KSR2: variants seen among roughly 807,000 people sequenced by gnomAD.
KSR2 encodes kinase suppressor of ras 2.
Under a neutral mutation model 107.8 loss-of-function variants are expected in KSR2, and 25 were observed. That is an observed-to-expected ratio of 0.23 (90% CI 0.17 to 0.32). KSR2 has a LOEUF of 0.32. Ranked by LOEUF, KSR2 falls within the 10% of genes least tolerant of loss-of-function variation. The probability of loss-of-function intolerance (pLI) is 1.00; values close to 1 mark genes in which losing one functional copy is unlikely to be tolerated. For synonymous variants in KSR2, 480 were observed against 507.0 expected (o/e 0.95, Z 0.71); for missense variants, 887 against 1,268.9 (o/e 0.70, Z 4.57).
chr12:117,724,493 T>G (rs2136699199), intron 4 of KSR2, among the ~76,000 whole-genome samples: 1 of 152,282 alleles, frequency 6.6e-6, no homozygotes, highest in East Asian at 1.9e-4. Context: ...CATTTTGTTC[T>G]GAAGAGTCAT....
chr12:117,712,307 C>T (rs1176411092), intron 4 of KSR2, among the ~76,000 whole-genome samples: 1 of 152,102 alleles, frequency 6.6e-6, no homozygotes, highest in Non-Finnish European at 1.5e-5. Context: ...GAAAATCTTC[C>T]CAAGAAGGGA....
At chr12:117,549,262 A>C (rs976647394) in intron 9 of KSR2, among the ~76,000 whole-genome samples, 1 of 152,212 alleles carries the variant, frequency 6.6e-6, no homozygotes, top group Admixed American at 6.5e-5. Flanking sequence ...AGAAGCTCCC[A>C]CTTGGCCCAG....
chr12:117,656,606 C>T (rs555540918), intron 5 of KSR2, among the ~76,000 whole-genome samples: 1 of 152,298 alleles, frequency 6.6e-6, no homozygotes, highest in South Asian at 2.1e-4. Flanking sequence ...AAGAGTGAAA[C>T]TGAATCTAAA....
intron 9 of KSR2, among the ~76,000 whole-genome samples, chr12:117,554,179 C>T (rs570599521): frequency 3.9e-5 from 6 of 152,182 alleles, no homozygotes; most frequent in South Asian, 4.2e-4. Flanking sequence ...GGCATACCCC[C>T]GGGATAGATT....
intron 3 of KSR2, among the ~76,000 whole-genome samples, chr12:117,808,350 C>A (rs1180376758): frequency 2.0e-5 from 3 of 152,124 alleles, no homozygotes; most frequent in Non-Finnish European, 4.4e-5. Flanking sequence ...ACAGTATCCA[C>A]CCCCGCCTCC....
chr12:117,866,039 T>TTTATTTTA (rs1491376651), intron 1 of KSR2, among the ~76,000 whole-genome samples: 5 of 78,726 alleles, frequency 6.4e-5, no homozygotes, highest in African/African-American at 5.5e-4. Flanking sequence ...AATCTCTCTC[T>TTTATTTTA]TTTTTTTTTT....
rs1418057298 is a variant in KSR2, at chr12:117,471,371, C to T, written c.2583-51G>A. ...TGTTGGTGTGGTGTGTCACTTGCAA[C>T]CTTGTACCTCCATTATTAGCACACA... On this transcript the variant is annotated intron_variant, in intron 17 of 19. Transcript: ENST00000339824. The T allele has an allele frequency of 3.8e-6, 6 of 1,580,206 alleles. No individual in the cohort carries two copies. The African/African-American group carries it at 4.0e-5, about 11-fold the overall frequency.
chr12:117,523,504 A>G (rs1874904694), intron 14 of KSR2, among the ~76,000 whole-genome samples: 1 of 152,226 alleles, frequency 6.6e-6, no homozygotes, highest in Admixed American at 6.5e-5. Flanking sequence ...TTTTCTCCCA[A>G]TGCCTCAAGC....
chr12:117,799,363 G>A (rs528338378), intron 3 of KSR2, among the ~76,000 whole-genome samples: 1 of 151,902 alleles, frequency 6.6e-6, no homozygotes, highest in Admixed American at 6.6e-5. Flanking sequence ...TTAGCTGGGC[G>A]TGGTGGCACG....
chr12:117,845,286 C>T (rs1434412644), intron 3 of KSR2, among the ~76,000 whole-genome samples: 3 of 152,190 alleles, frequency 2.0e-5, no homozygotes, highest in African/African-American at 4.8e-5. Flanking sequence ...CACAGACCCA[C>T]GCAGCCATGG....
chr12:117,775,705 G>A lies in KSR2; in HGVS notation c.473-14181C>T, dbSNP rs551073392. ...GATGGGGAAACTGAGACAGAGAGAG[G>A]AGTAGAAACTTTCCCAAGACCCACC... On this transcript the variant is annotated intron_variant, in intron 3 of 19. Transcript: ENST00000339824. 4.9e-4 allele frequency among the ~76,000 whole-genome samples: 74 copies of A among 151,998 alleles called. 2 individuals carry two copies. The South Asian group carries it at 0.014, about 29-fold the overall frequency.
chr12:117,909,100 T>C (rs1309067426), intron 1 of KSR2, among the ~76,000 whole-genome samples: 2 of 152,130 alleles, frequency 1.3e-5, no homozygotes, highest in Non-Finnish European at 2.9e-5. Flanking sequence ...CCAGTGGTCT[T>C]TGAACTTCAG....
intron 14 of KSR2, among the ~76,000 whole-genome samples, chr12:117,502,819 C>T (rs1349834141): frequency 6.6e-6 from 1 of 152,122 alleles, no homozygotes; most frequent in African/African-American, 2.4e-5. Flanking sequence ...GCTTTGTCAA[C>T]CAGGGAAGGA....
chr12:117,611,062 T>C (rs1488499430), intron 5 of KSR2, among the ~76,000 whole-genome samples: 4 of 152,226 alleles, frequency 2.6e-5, no homozygotes. Context: ...TTATATCACC[T>C]AAGTCCTTAT....
intron 2 of KSR2, among the ~76,000 whole-genome samples, chr12:117,857,143 C>T (rs1893130703): frequency 6.6e-6 from 1 of 152,162 alleles, no homozygotes; most frequent in Non-Finnish European, 1.5e-5. Context: ...ACTGCAGCCT[C>T]AAACTCCTGG....
intron 8 of KSR2, among the ~76,000 whole-genome samples, 169 bp from the exon 9 acceptor site, chr12:117,555,462 T>A (rs1273786774): frequency 6.6e-6 from 1 of 152,230 alleles, no homozygotes; most frequent in Non-Finnish European, 1.5e-5. Context: ...CTCTGTGGTT[T>A]GCAACATATT....
At chr12:117,787,650 A>G (rs535623038) in intron 3 of KSR2, among the ~76,000 whole-genome samples, 31 of 152,286 alleles carry the variant, frequency 2.0e-4, no homozygotes, top group South Asian at 1.9e-3. Context: ...AAAGAAAGCC[A>G]GTTAATTGGT....
At chr12:117,834,063 C>T (rs1031887651) in intron 3 of KSR2, among the ~76,000 whole-genome samples, 1 of 151,816 alleles carries the variant, frequency 6.6e-6, no homozygotes. Context: ...ACGGCTTGAG[C>T]CTGGCAGGCA....
intron 18 of KSR2, among the ~76,000 whole-genome samples, chr12:117,470,429 C>T (rs1323714695): frequency 6.6e-6 from 1 of 152,192 alleles, no homozygotes; most frequent in East Asian, 1.9e-4. Flanking sequence ...TCCATCCATC[C>T]TTCTTCCCAT....
Sources: allele counts gnomAD v4.1 joint callset (sites outside exome capture counted in the v4.1 genomes callset), GRCh38; gene constraint gnomAD v4.1.1; transcripts MANE v1.5; gene names NCBI Gene and HGNC (gene_info 2026-07-23, HGNC 2026-07-21).